Variants in THADA observed in about 807,000 individuals in gnomAD.
The protein encoded by THADA is THADA armadillo repeat containing.
THADA carries 213 observed loss-of-function variants against 219.8 expected under a neutral mutation model. The observed-to-expected ratio is 0.97, with a 90% CI of 0.87 to 1.09. THADA has a LOEUF of 1.09. Ranked by LOEUF, THADA falls within the 50% of genes least tolerant of loss-of-function variation. The probability of loss-of-function intolerance (pLI) is 0.00; values close to 1 mark genes in which losing one functional copy is unlikely to be tolerated. For missense variants in THADA, 2,956 were observed against 2,311.3 expected (o/e 1.28, Z -5.72); for synonymous variants, 1,018 against 828.9 (o/e 1.23, Z -3.92).
chr2:43,490,241 A>G (rs148447918), intron 25 of THADA, among the ~76,000 whole-genome samples: 220 of 152,290 alleles, frequency 1.4e-3, no homozygotes, highest in African/African-American at 5.1e-3. Context: ...ATGTGTGTGG[A>G]TTCCTTAGGA....
chr2:43,396,198 C>T (rs1473092901), intron 29 of THADA, among the ~76,000 whole-genome samples: 1 of 152,174 alleles, frequency 6.6e-6, no homozygotes, highest in Non-Finnish European at 1.5e-5. Context: ...CCAGCAGTTC[C>T]CACTTGGGGG....
At chr2:43,524,468 T>C (rs912184463) in intron 22 of THADA, among the ~76,000 whole-genome samples, 5 of 152,216 alleles carry the variant, frequency 3.3e-5, no homozygotes, top group African/African-American at 1.2e-4. Flanking sequence ...TGGCCAGCAG[T>C]TGGCCTCCAT....
chr2:43,435,204 G>A (rs1194824390), intron 26 of THADA, among the ~76,000 whole-genome samples: 2 of 152,210 alleles, frequency 1.3e-5, no homozygotes, highest in Admixed American at 6.5e-5. Flanking sequence ...ACTGTAATCC[G>A]AGCACTTTGG....
chr2:43,381,145 A>T (rs1462514589), intron 29 of THADA, among the ~76,000 whole-genome samples: 1 of 151,648 alleles, frequency 6.6e-6, no homozygotes, highest in African/African-American at 2.4e-5. Flanking sequence ...ACAAACTGAA[A>T]GGATGAAGGC....
intron 21 of THADA, among the ~76,000 whole-genome samples, chr2:43,532,714 C>A (rs1694045236): frequency 6.6e-6 from 1 of 152,142 alleles, no homozygotes; most frequent in South Asian, 2.1e-4. Flanking sequence ...CCCTCTCTCA[C>A]CACTCCTATT....
chr2:43,520,836 A>C (rs1692336331), intron 22 of THADA, among the ~76,000 whole-genome samples: 1 of 151,692 alleles, frequency 6.6e-6, no homozygotes. Flanking sequence ...TTTTATATCC[A>C]AAATCCTGAC....
chr2:43,459,645 A>G (rs930438658), intron 26 of THADA, among the ~76,000 whole-genome samples: 2 of 152,164 alleles, frequency 1.3e-5, no homozygotes, highest in African/African-American at 4.8e-5. Context: ...CTGGTTCTCA[A>G]AAAATATTTG....
chr2:43,460,241 A>T (rs1157087163), intron 26 of THADA, among the ~76,000 whole-genome samples: 5 of 108,158 alleles, frequency 4.6e-5, no homozygotes, highest in African/African-American at 1.7e-4. Context: ...CTCTTAATAA[A>T]AAAAAAAAAA....
At chr2:43,448,242 G>T (rs1573699519) in intron 26 of THADA, among the ~76,000 whole-genome samples, 1 of 152,222 alleles carries the variant, frequency 6.6e-6, no homozygotes, top group African/African-American at 2.4e-5. Context: ...CTATCTGAAG[G>T]ATTGGACAGT....
intron 6 of THADA, 60 bp downstream of exon 6, chr2:43,586,642 T>A (rs780967392): frequency 2.6e-6 from 4 of 1,550,692 alleles, no homozygotes; most frequent in East Asian, 2.2e-5. Flanking sequence ...AAAGAGCCAG[T>A]TCCAAAATGA....
chr2:43,274,626 A>C (rs1672504998), intron 36 of THADA, among the ~76,000 whole-genome samples: 1 of 152,162 alleles, frequency 6.6e-6, no homozygotes, highest in Non-Finnish European at 1.5e-5. Context: ...CTGGAGGGCA[A>C]GGGTGCTGTC....
intron 28 of THADA, among the ~76,000 whole-genome samples, chr2:43,427,223 C>T (rs1678569255): frequency 6.6e-6 from 1 of 152,158 alleles, no homozygotes; most frequent in Non-Finnish European, 1.5e-5. Flanking sequence ...CTGACATCCT[C>T]TCGAACCCGT....
Position 43,286,891 on chromosome 2 carries a change from C to A in THADA, c.5164+17G>T. On this transcript the variant is annotated intron_variant, in intron 35 of 37. Transcript: ENST00000405975. ...AAGTGAGTTTGGTACAACAGACTTC[C>A]GTCTCGGCGCACTTACCAAGAATAG... 6.2e-7 allele frequency: 1 copy of A among 1,601,540 alleles called. No homozygotes were observed.
At chr2:43,337,953 G>C (rs996789827) in intron 30 of THADA, among the ~76,000 whole-genome samples, 4 of 151,984 alleles carry the variant, frequency 2.6e-5, no homozygotes, top group Admixed American at 2.6e-4. Context: ...GAAAAGCAAA[G>C]AAATAATTAT....
At position 43,571,840 on chromosome 2, in the gene THADA, A is replaced by G. The variant is rs1344320065; in HGVS notation, c.1931T>C (p.Leu644Ser). ...HCQVRIDTLG[L>S]LCESNRSTEI... ...TGTGCTCCGATTACTTTCACAAAGCAAGCCTAATGTATCTATCCTTACCTA... is the reference window on the plus strand; with the variant it reads ...TGTGCTCCGATTACTTTCACAAAGCGAGCCTAATGTATCTATCCTTACCTA... The change falls in exon 13 of 38, where the codon TTG (leucine) becomes TCG (serine). Residue 644 changes from leucine (L) to serine (S), a missense_variant. Coordinates refer to ENST00000405975, the MANE Select transcript of THADA (RefSeq NM_022065.5). 6.2e-7 allele frequency: 1 copy of G among 1,613,904 alleles called. No individual in the cohort carries two copies. The highest frequency in any genetic ancestry group is 1.1e-5 in the South Asian group (1 of 91,084).
chr2:43,308,902 A>C (rs955805332), intron 31 of THADA, among the ~76,000 whole-genome samples: 3 of 152,082 alleles, frequency 2.0e-5, no homozygotes, highest in Non-Finnish European at 4.4e-5. Context: ...CATCTTTGTG[A>C]CCTTGGAATA....
At chr2:43,318,346 G>A (rs1407831122) in intron 31 of THADA, among the ~76,000 whole-genome samples, 1 of 151,880 alleles carries the variant, frequency 6.6e-6, no homozygotes, top group Non-Finnish European at 1.5e-5. Flanking sequence ...GACCTTAGTT[G>A]CCACATTTTA....
intron 25 of THADA, among the ~76,000 whole-genome samples, chr2:43,489,341 C>T (rs752383787): frequency 2.9e-4 from 44 of 152,082 alleles, no homozygotes; most frequent in Non-Finnish European, 5.4e-4. Context: ...TCACTATGCC[C>T]AGCCAGACAT....
At chr2:43,555,016 A>G (rs532392668) in intron 17 of THADA, among the ~76,000 whole-genome samples, 2 of 152,246 alleles carry the variant, frequency 1.3e-5, no homozygotes, top group African/African-American at 4.8e-5. Context: ...ATTTTGGACC[A>G]TTTCAGGTGT....
Sources: gnomAD v4.1 joint callset for allele counts (sites outside exome capture counted in the v4.1 genomes callset) on GRCh38, gnomAD v4.1.1 for gene constraint, MANE v1.5 for transcripts, NCBI Gene and HGNC (gene_info 2026-07-23, HGNC 2026-07-21) for gene names.